The following TPCN2 variants were observed in gnomAD, a reference collection of about 807,000 sequenced individuals.
The protein encoded by TPCN2 is two pore channel protein 2.
Under a neutral mutation model 111.4 loss-of-function variants are expected in TPCN2, and 92 were observed. That is an observed-to-expected ratio of 0.83 (90% CI 0.70 to 0.98). The LOEUF is 0.98. TPCN2 is among the 50% of genes least tolerant of loss of function. The pLI, the probability that TPCN2 is intolerant of heterozygous loss-of-function variation, is 0.00. For synonymous variants in TPCN2, 405 were observed against 414.5 expected (o/e 0.98, Z 0.28); for missense variants, 995 against 980.1 (o/e 1.02, Z -0.20).
intron 3 of TPCN2, 92 bp downstream of exon 3, chr11:69,054,889 TC>T: frequency 7.5e-7 from 1 of 1,329,254 alleles, no homozygotes; most frequent in Non-Finnish European, 1.1e-6. Flanking sequence ...GGTCTCAGGG[TC>T]CAGGCAGGCT....
At chr11:69,081,091 C>G (rs1206950931) in intron 17 of TPCN2, among the ~76,000 whole-genome samples, 1 of 152,042 alleles carries the variant, frequency 6.6e-6, no homozygotes, top group Non-Finnish European at 1.5e-5. Flanking sequence ...AACCTCCATG[C>G]CCTCCCGTGT....
chr11:69,072,740 G>T, intron 12 of TPCN2, 32 bp downstream of exon 12: 2 of 1,612,672 alleles, frequency 1.2e-6, no homozygotes, highest in South Asian at 1.1e-5. Flanking sequence ...CCTCCTCTGG[G>T]CTCCTCCCGG....
At chr11:69,056,245 C>T (rs547252305) in intron 4 of TPCN2, among the ~76,000 whole-genome samples, 2 of 152,352 alleles carry the variant, frequency 1.3e-5, no homozygotes, top group East Asian at 1.9e-4. Flanking sequence ...TCGCGTGGGG[C>T]CTCTGCCCGG....
In TPCN2 at chr11:69,090,574, TA is replaced by T. The variant is rs1856399697; in HGVS notation, c.*2624del. On this transcript the variant is annotated 3_prime_UTR_variant, in exon 25 of 25. Coordinates refer to ENST00000294309, the MANE Select transcript of TPCN2 (RefSeq NM_139075.4). ...AGGGTCCTGCCTCATTAAGATGCAA[TA>T]AATATGTAAGTACATAAAAACAGCA... 2 of 152,178 alleles carry T rather than the reference TA, an allele frequency of 1.3e-5. No individual in the cohort carries two copies. 9.4% of individuals were successfully genotyped at this position (152,178 alleles called of 1,614,324 possible). A position where few individuals can be genotyped will look rare whatever the true frequency, so the allele number is the denominator to read the frequency against.
Position 69,054,758 on chromosome 11 carries a change from T to A in TPCN2, c.212T>A (p.Met71Lys). The A allele has an allele frequency of 6.2e-7, 1 of 1,614,196 alleles. No homozygotes were observed. The highest frequency in any genetic ancestry group is 8.5e-7 in the Non-Finnish European group (1 of 1,180,016). Residue 71 changes from methionine (M) to lysine (K), a missense_variant, in exon 3 of 25, where the codon ATG becomes AAG. By Grantham distance (95) the Met-to-Lys change is moderately conservative. Coordinates refer to ENST00000294309, the MANE Select transcript of TPCN2 (RefSeq NM_139075.4). ...AACCACCGGGTGGATGCCAGCTCGA[T>A]GTGGCTTTACCGACGGTATTACTCG... Reference protein sequence around the residue: ...SINHRVDASSMWLYRRYYSNV... With the variant: ...SINHRVDASSKWLYRRYYSNV...
Position 69,057,574 on chromosome 11 carries a change from G to T in TPCN2, c.430-4G>T. 1 of 1,613,878 alleles carries T rather than the reference G, an allele frequency of 6.2e-7. No individual in the cohort carries two copies. Among genetic ancestry groups the T allele is most frequent in the Non-Finnish European group, 8.5e-7 (1 of 1,179,742 alleles). On this transcript the variant is annotated splice_polypyrimidine_tract_variant and splice_region_variant and intron_variant, in intron 4 of 24. Transcript: ENST00000294309. Reference sequence around the variant, plus strand: ...TGCTGCTCACCCGCCCGTCTATCTTGCAGGGTTACCTGTTCGGGTGGGCCC... The same window carrying T: ...TGCTGCTCACCCGCCCGTCTATCTTTCAGGGTTACCTGTTCGGGTGGGCCC...
intron 23 of TPCN2, 76 bp from the exon 24 acceptor site, chr11:69,087,036 C>T (rs1204940467): frequency 3.7e-6 from 5 of 1,341,274 alleles, no homozygotes; most frequent in Non-Finnish European, 5.3e-6. Flanking sequence ...GTGGCTGACC[C>T]TGGAGGGGCC....
chr11:69,050,688 T>A (rs1861185463), intron 1 of TPCN2, among the ~76,000 whole-genome samples: 2 of 152,340 alleles, frequency 1.3e-5, no homozygotes, highest in South Asian at 2.1e-4. Flanking sequence ...ATGCTTCACC[T>A]TTCCGAATCT....
At position 69,054,812 on chromosome 11, in the gene TPCN2, A is replaced by T. The variant is rs780681394; in HGVS notation, c.251+15A>T. Reference sequence around the variant, plus strand: ...GTATGCCAACGGTGAGAACGCACCCATGTGGAACTCAGGGTTCCTGCCGGC... The same window carrying T: ...GTATGCCAACGGTGAGAACGCACCCTTGTGGAACTCAGGGTTCCTGCCGGC... On this transcript the variant is annotated intron_variant, in intron 3 of 24. Transcript: ENST00000294309. 6.2e-7 allele frequency: 1 copy of T among 1,611,820 alleles called. No individual in the cohort carries two copies. Among genetic ancestry groups the T allele is most frequent in the African/African-American group, 1.3e-5 (1 of 75,048 alleles).
intron 19 of TPCN2, among the ~76,000 whole-genome samples, chr11:69,084,444 TCA>T (rs1159370054): frequency 6.6e-6 from 1 of 152,218 alleles, no homozygotes; most frequent in Non-Finnish European, 1.5e-5. Context: ...TTTCAGGGAC[TCA>T]CAGCCACATT....
chr11:69,078,760 G>C lies in TPCN2; in HGVS notation c.1377G>C (p.Val459=). 1 of 1,614,062 alleles carries C rather than the reference G, an allele frequency of 6.2e-7. No homozygotes were observed. Among genetic ancestry groups the C allele is most frequent in the Non-Finnish European group, 8.5e-7 (1 of 1,180,044 alleles). The change falls in exon 15 of 25, where the codon GTG becomes GTC. Residue 459 remains valine (V), a synonymous_variant. Coordinates refer to ENST00000294309, the MANE Select transcript of TPCN2 (RefSeq NM_139075.4). ...ICVFLVLDAD[V]LPAERDDFIL... The stretch of plus-strand genomic sequence containing the variant: ...TGTTCCTGGTGCTGGATGCAGATGT[G>C]CTGCCTGCTGAGCGTGATGACTTCA...
chr11:69,054,922 G>A, intron 3 of TPCN2, 125 bp downstream of exon 3: 1 of 991,320 alleles, frequency 1.0e-6, no homozygotes, highest in Middle Eastern at 2.2e-4. Context: ...AGATAGGGCG[G>A]TTACCATCAT....
intron 8 of TPCN2, among the ~76,000 whole-genome samples, chr11:69,069,270 G>T (rs1371151093): frequency 2.2e-4 from 18 of 81,486 alleles, no homozygotes; most frequent in South Asian, 4.7e-4. Context: ...CCTAGGAAGT[G>T]ACCGCACTGG....
intron 4 of TPCN2, 29 bp downstream of exon 4, chr11:69,055,381 C>A: frequency 6.4e-7 from 1 of 1,560,686 alleles, no homozygotes. Flanking sequence ...CCTCTACGTG[C>A]TGCCCCGGCC....
Position 69,087,985 on chromosome 11 carries a change from GGAGA to G in TPCN2, c.*38_*41del, listed in dbSNP as rs1204113606. Reference sequence around the variant, plus strand: ...GGCTGCCGTCCCAGCAGGGGCGGCAGGAGAGAGAGGCTGGCCTACACAGGTGCCC... The same window carrying G: ...GGCTGCCGTCCCAGCAGGGGCGGCAGGAGAGGCTGGCCTACACAGGTGCCC... On this transcript the variant is annotated 3_prime_UTR_variant, in exon 25 of 25. Coordinates refer to ENST00000294309, the MANE Select transcript of TPCN2 (RefSeq NM_139075.4). 6.3e-7 allele frequency: 1 copy of G among 1,582,450 alleles called. No homozygotes were observed. The highest frequency in any genetic ancestry group is 1.1e-5 in the South Asian group (1 of 87,768).
chr11:69,085,252 A>G lies in TPCN2; in HGVS notation c.1804A>G (p.Arg602Gly). ...VFAIIGINLF[R>G]GVIVALPGNS... ...TGCCATCATTGGGATCAACTTGTTT[A>G]GAGGCGTCATTGTGGCTCTTCCTGG... The change falls in exon 20 of 25, where the codon AGA becomes GGA. Residue 602 changes from arginine to glycine, a missense_variant. Physicochemically the swap from Arg to Gly is moderately radical, Grantham distance 125 (BLOSUM62 -2). Transcript: ENST00000294309. The G allele has an allele frequency of 6.3e-7, 1 of 1,597,354 alleles. No homozygotes were observed. The highest frequency in any genetic ancestry group is 8.6e-7 in the Non-Finnish European group (1 of 1,169,334).
At chr11:69,084,681 G>A in intron 19 of TPCN2, 1 of 985,452 alleles carries the variant, frequency 1.0e-6, no homozygotes, top group Non-Finnish European at 1.2e-6. Flanking sequence ...CTTGACGTAG[G>A]GACCACTGGG....
chr11:69,060,855 A>G (rs773881623), intron 5 of TPCN2, among the ~76,000 whole-genome samples: 4 of 152,246 alleles, frequency 2.6e-5, no homozygotes, highest in Non-Finnish European at 5.9e-5. Flanking sequence ...CCAGTGGGCA[A>G]TGAATGGGTT....
At chr11:69,049,655 C>T (rs900274779) in intron 1 of TPCN2, among the ~76,000 whole-genome samples, 1 of 152,094 alleles carries the variant, frequency 6.6e-6, no homozygotes, top group Non-Finnish European at 1.5e-5. Flanking sequence ...TGCCTTTCCC[C>T]GTCCCACTTC....
Sources: allele counts gnomAD v4.1 joint callset (sites outside exome capture counted in the v4.1 genomes callset), GRCh38; gene constraint gnomAD v4.1.1; transcripts MANE v1.5; gene names NCBI Gene and HGNC (gene_info 2026-07-23, HGNC 2026-07-21).